The following TLN2 variants were observed in gnomAD, a reference collection of about 807,000 sequenced individuals.
The protein encoded by TLN2 is talin 2.
A neutral mutation model predicts 294.7 loss-of-function variants in TLN2; 118 were observed. The observed-to-expected ratio is 0.40, with a 90% CI of 0.34 to 0.47. The LOEUF is 0.47. TLN2 is among the 20% of genes least tolerant of loss of function. TLN2 has a pLI of 0.84. For synonymous variants in TLN2, 1,431 were observed against 1,304.5 expected, an observed-to-expected ratio of 1.10 and a Z score of -2.09; for missense variants, 3,083 against 3,282.2, an observed-to-expected ratio of 0.94 and a Z score of 1.48.
chr15:62,798,987 G>C (rs916798848), intron 48 of TLN2, among the ~76,000 whole-genome samples: 1 of 152,202 alleles, frequency 6.6e-6, no homozygotes, highest in African/African-American at 2.4e-5. Flanking sequence ...AGGAGGTGGA[G>C]GTTGCAGTGA....
At chr15:62,544,988 G>A (rs1447073691) in intron 1 of TLN2, among the ~76,000 whole-genome samples, 1 of 151,834 alleles carries the variant, frequency 6.6e-6, no homozygotes, top group Non-Finnish European at 1.5e-5. Flanking sequence ...GGAGTGCAGT[G>A]TTGCGATCTC....
chr15:62,402,001 G>T (rs2140238268), intron 1 of TLN2, among the ~76,000 whole-genome samples: 1 of 152,218 alleles, frequency 6.6e-6, no homozygotes, highest in South Asian at 2.1e-4. Flanking sequence ...ACACAACAAA[G>T]AATTATGCCA....
chr15:62,819,726 C>A, intron 53 of TLN2, 105 bp downstream of exon 53: 1 of 929,774 alleles, frequency 1.1e-6, no homozygotes, highest in Non-Finnish European at 1.6e-6. Context: ...CTTTAGCTGG[C>A]AGATGCAGCC....
At chr15:62,635,386 T>C (rs2050275411) in intron 3 of TLN2, among the ~76,000 whole-genome samples, 1 of 152,156 alleles carries the variant, frequency 6.6e-6, no homozygotes, top group South Asian at 2.1e-4. Context: ...TTAAATTAAA[T>C]TATGGGGCCT....
chr15:62,840,628 G>C lies in TLN2; in HGVS notation c.*18G>C. On this transcript the variant is annotated 3_prime_UTR_variant, in exon 59 of 59. Coordinates refer to ENST00000636159, the MANE Select transcript of TLN2 (RefSeq NM_015059.3). ...AGGGCTAAAGGTGCGAGCCCAGATG[G>C]CGAGCCCCAGGGGATGGCCCTGGCT... 6.2e-7 allele frequency: 1 copy of C among 1,611,860 alleles called. No homozygotes were observed. Among genetic ancestry groups the C allele is most frequent in the Non-Finnish European group, 8.5e-7 (1 of 1,178,898 alleles).
chr15:62,693,763 G>A (rs1464265267), intron 13 of TLN2, among the ~76,000 whole-genome samples: 2 of 152,042 alleles, frequency 1.3e-5, no homozygotes, highest in Non-Finnish European at 2.9e-5. Flanking sequence ...ATTAAAGTCT[G>A]TGCAATAAAT....
At chr15:62,536,308 A>G (rs375513744) in intron 1 of TLN2, among the ~76,000 whole-genome samples, 1 of 152,128 alleles carries the variant, frequency 6.6e-6, no homozygotes, top group Non-Finnish European at 1.5e-5. Context: ...ATTCTCTAGG[A>G]TTCTCCCAAG....
intron 1 of TLN2, among the ~76,000 whole-genome samples, chr15:62,482,602 C>CAAAAAAAA (rs781297837): frequency 1.3e-5 from 1 of 75,778 alleles, no homozygotes; most frequent in African/African-American, 4.7e-5. Flanking sequence ...AACGTTGTCT[C>CAAAAAAAA]AAAAAAAAAA....
intron 54 of TLN2, among the ~76,000 whole-genome samples, chr15:62,821,740 T>C (rs1009115263): frequency 1.3e-5 from 2 of 152,206 alleles, no homozygotes; most frequent in Non-Finnish European, 2.9e-5. Context: ...CTCTCTCTGC[T>C]GGACTCTACC....
At chr15:62,393,860 T>TG (rs1380171531) in intron 1 of TLN2, among the ~76,000 whole-genome samples, 1 of 151,786 alleles carries the variant, frequency 6.6e-6, no homozygotes, top group African/African-American at 2.4e-5. Context: ...TTTTTTTTTT[T>TG]TTTTCCGAGA....
At chr15:62,782,860 AAGAG>A (rs2064300978) in intron 44 of TLN2, among the ~76,000 whole-genome samples, 1 of 152,230 alleles carries the variant, frequency 6.6e-6, no homozygotes, top group African/African-American at 2.4e-5. Context: ...GCCACAAAGA[AAGAG>A]ACAGTATTGT....
At chr15:62,749,711 A>G (rs112186706) in intron 33 of TLN2, among the ~76,000 whole-genome samples, 1,975 of 151,998 alleles carry the variant, frequency 0.013, 34 homozygotes, top group African/African-American at 0.044. Flanking sequence ...TCTGGGGAGG[A>G]GGTTAAATGG....
At chr15:62,667,212 C>T (rs1024628413) in intron 9 of TLN2, among the ~76,000 whole-genome samples, 11 of 152,256 alleles carry the variant, frequency 7.2e-5, no homozygotes, top group East Asian at 1.9e-4. Flanking sequence ...GTGATCCGCC[C>T]GCCTTGGCCT....
chr15:62,742,267 A>T (rs1340003476), intron 32 of TLN2, among the ~76,000 whole-genome samples: 1 of 151,866 alleles, frequency 6.6e-6, no homozygotes, highest in African/African-American at 2.4e-5. Context: ...GAGAGATGGG[A>T]GGTGGGGTTG....
At position 62,761,787 on chromosome 15, in the gene TLN2, A is replaced by G; in HGVS notation, c.4745A>G (p.Glu1582Gly). The stretch of plus-strand genomic sequence containing the variant: ...CTGACAGCGTTCGCCTCAAACCCTG[A>G]GTTTGTCAGCATTCCTGCCCAGATC... The part of the protein sequence containing the change: ...ENLTAFASNP[E>G]FVSIPAQISS... The change falls in exon 38 of 59, where the codon GAG becomes GGG. Residue 1582 changes from glutamate to glycine, a missense_variant. Transcript: ENST00000636159. The G allele has an allele frequency of 6.2e-7, 1 of 1,614,104 alleles. No homozygotes were observed. The highest frequency in any genetic ancestry group is 8.5e-7 in the Non-Finnish European group (1 of 1,180,004).
rs765223298 is a variant in TLN2, at chr15:62,716,298, G to C, written c.2635-33G>C. 5.8e-6 allele frequency: 9 copies of C among 1,552,814 alleles called. No individual in the cohort carries two copies. In the South Asian group the frequency reaches 1.1e-4, roughly 19 times the overall value. On this transcript the variant is annotated intron_variant, in intron 22 of 58. Coordinates refer to ENST00000636159, the MANE Select transcript of TLN2 (RefSeq NM_015059.3). The stretch of plus-strand genomic sequence containing the variant: ...ATGAATTCAGTGATGTCTCCTGCTG[G>C]ACCACTTGAAATCTTTATTTTTGCC...
intron 28 of TLN2, among the ~76,000 whole-genome samples, chr15:62,731,051 T>G (rs532097625): frequency 6.6e-6 from 1 of 152,296 alleles, no homozygotes; most frequent in South Asian, 2.1e-4. Flanking sequence ...ACTTTTCCTC[T>G]CTTTAGCGGT....
chr15:62,766,244 C>A, intron 40 of TLN2, 77 bp from the exon 41 acceptor site: 1 of 1,307,928 alleles, frequency 7.6e-7, no homozygotes, highest in Non-Finnish European at 1.1e-6. Context: ...TGTCATTTTT[C>A]AGAGGGGCCT....
At chr15:62,728,734 T>C (rs1256135343) in intron 28 of TLN2, among the ~76,000 whole-genome samples, 1 of 152,208 alleles carries the variant, frequency 6.6e-6, no homozygotes, top group Non-Finnish European at 1.5e-5. Context: ...ATTTGAAAAT[T>C]GGGTTATTGT....
Sources: gnomAD v4.1 joint callset for allele counts (sites outside exome capture counted in the v4.1 genomes callset) on GRCh38, gnomAD v4.1.1 for gene constraint, MANE v1.5 for transcripts, NCBI Gene and HGNC (gene_info 2026-07-23, HGNC 2026-07-21) for gene names.